LMX1B: variants seen among roughly 807,000 people sequenced by gnomAD.
LMX1B encodes the protein LIM homeobox transcription factor 1 beta, also known as LIM homeobox transcription factor 1-beta.
A neutral mutation model predicts 51.4 loss-of-function variants in LMX1B; 12 were observed. That is an observed-to-expected ratio of 0.23 (90% CI 0.15 to 0.38). The LOEUF (loss-of-function observed/expected upper bound fraction) is 0.38. LMX1B is among the 10% of genes least tolerant of loss of function. The pLI is 1.00. For missense variants in LMX1B, 445 were observed against 571.1 expected (o/e 0.78, Z 2.25); for synonymous variants, 237 against 235.4 (o/e 1.01, Z -0.06).
intron 2 of LMX1B, among the ~76,000 whole-genome samples, chr9:126,637,730 G>A (rs1835737769): frequency 1.3e-5 from 2 of 152,104 alleles, no homozygotes; most frequent in African/African-American, 2.4e-5. Context: ...GCCAGCCCAG[G>A]TTTCGGCGGG....
chr9:126,628,425 A>G (rs1295614813), intron 2 of LMX1B, among the ~76,000 whole-genome samples: 2 of 152,192 alleles, frequency 1.3e-5, no homozygotes, highest in Non-Finnish European at 2.9e-5. Context: ...AGAGTTTGAT[A>G]TTGTTATGAT....
intron 2 of LMX1B, among the ~76,000 whole-genome samples, chr9:126,657,291 C>A (rs1250051591): frequency 6.6e-6 from 1 of 152,200 alleles, no homozygotes. Flanking sequence ...GACATTTAAA[C>A]ACATAAATAT....
In LMX1B at chr9:126,670,629, G is replaced by T. The variant is rs976279691; in HGVS notation, c.327-20207G>T. On this transcript the variant is annotated intron_variant, in intron 2 of 7. Coordinates refer to ENST00000373474, the MANE Select transcript of LMX1B (RefSeq NM_001174147.2). ...TTGACAGGCATGTGTGAGTGGACAC[G>T]GGTGAGGGCCTAGACTGTTGGCACA... 4.6e-5 allele frequency among the ~76,000 whole-genome samples: 7 copies of T among 152,118 alleles called. No homozygotes were observed. In the East Asian group the frequency reaches 1.4e-3, roughly 29 times the overall value.
At chr9:126,679,420 GGGT>G (rs1167823704) in intron 2 of LMX1B, among the ~76,000 whole-genome samples, 4 of 151,876 alleles carry the variant, frequency 2.6e-5, no homozygotes, top group East Asian at 3.9e-4. Flanking sequence ...GGTAATATAT[GGGT>G]GGTGGATGGA....
Position 126,693,323 on chromosome 9 carries a change from G to A in LMX1B, c.741G>A (p.Lys247=), listed in dbSNP as rs1389167625. The A allele has an allele frequency of 1.3e-6, 2 of 1,592,320 alleles. No homozygotes were observed. The highest frequency in any genetic ancestry group is 1.1e-5 in the South Asian group (1 of 88,478). Residue 247 remains lysine, a splice_region_variant and synonymous_variant, in exon 4 of 8, where the codon AAG becomes AAA. Coordinates refer to ENST00000373474, the MANE Select transcript of LMX1B (RefSeq NM_001174147.2). ...SFEVSSKPCR[K]VRETLAAETG... is the part of the protein sequence containing the mutation. Reference sequence around the variant, plus strand: ...AGGTCTCGTCGAAGCCTTGCCGAAAGGTGAGGGGCGGCCGGGGGGCGGGGC... The same window carrying A: ...AGGTCTCGTCGAAGCCTTGCCGAAAAGTGAGGGGCGGCCGGGGGGCGGGGC...
rs565504031 is a variant in LMX1B at position 126,658,397 on chromosome 9, G to A, written c.327-32439G>A. Among the ~76,000 whole-genome samples, 179 of 119,268 alleles carry A rather than the reference G, an allele frequency of 1.5e-3. No individual in the cohort carries two copies. Among genetic ancestry groups the A allele is most frequent in the African/African-American group, 5.7e-3 (172 of 30,002 alleles). 78.2% of individuals were successfully genotyped at this position (119,268 alleles called of 152,430 possible). ...GGCCCTCCCCCTGGCTGCCGGGCCCGGGCACCCCTGCTGCTGACCCCCTGC... is the reference window on the plus strand; with the variant it reads ...GGCCCTCCCCCTGGCTGCCGGGCCCAGGCACCCCTGCTGCTGACCCCCTGC... On this transcript the variant is annotated intron_variant, in intron 2 of 7. Coordinates refer to ENST00000373474, the MANE Select transcript of LMX1B (RefSeq NM_001174147.2). The surrounding 1 kb of genome is among the most constrained non-coding windows in gnomAD (Gnocchi z 4.0).
chr9:126,679,239 A>G (rs955002163), intron 2 of LMX1B, among the ~76,000 whole-genome samples: 2 of 152,214 alleles, frequency 1.3e-5, no homozygotes, highest in African/African-American at 4.8e-5. Flanking sequence ...GAGTCACTAC[A>G]TGGCGTTTGG....
chr9:126,696,532 C>T lies in LMX1B; in HGVS notation c.*81C>T. On this transcript the variant is annotated 3_prime_UTR_variant, in exon 8 of 8. Transcript: ENST00000373474. ...CTGCGGCCAGCCTGGCCACCCCCGC[C>T]CTGCTCTCCGCACAGACTACAGACA... 2.6e-6 allele frequency: 4 copies of T among 1,524,894 alleles called. No homozygotes were observed. The highest frequency in any genetic ancestry group is 1.7e-5 in the Admixed American group (1 of 59,668). 94.5% of individuals were successfully genotyped at this position (1,524,894 alleles called of 1,614,324 possible). A position where few individuals can be genotyped will look rare whatever the true frequency, so the allele number is the denominator to read the frequency against.
intron 2 of LMX1B, among the ~76,000 whole-genome samples, chr9:126,667,714 GA>G (rs1448993673): frequency 2.0e-5 from 3 of 152,174 alleles, no homozygotes; most frequent in African/African-American, 7.2e-5. Context: ...GGAGAACTAG[GA>G]ACCCACAGGT....
intron 2 of LMX1B, among the ~76,000 whole-genome samples, chr9:126,635,657 A>C (rs1835701797): frequency 1.3e-5 from 2 of 152,114 alleles, no homozygotes; most frequent in Admixed American, 6.5e-5. Flanking sequence ...GCAAACGGGG[A>C]AATGATAGCT....
At chr9:126,646,693 T>C (rs755245842) in intron 2 of LMX1B, among the ~76,000 whole-genome samples, 1 of 152,226 alleles carries the variant, frequency 6.6e-6, no homozygotes, top group Non-Finnish European at 1.5e-5. Context: ...TGCCAGAGAC[T>C]GTGTTCCCAG....
intron 2 of LMX1B, among the ~76,000 whole-genome samples, chr9:126,687,681 G>A (rs553837600): frequency 6.6e-6 from 1 of 152,324 alleles, no homozygotes; most frequent in South Asian, 2.1e-4. Context: ...TGAGATGCAG[G>A]CAGTGTTGTC....
intron 2 of LMX1B, 57 bp from the exon 3 acceptor site, chr9:126,690,779 T>G (rs1588305298): frequency 2.1e-6 from 3 of 1,454,700 alleles, no homozygotes; most frequent in Non-Finnish European, 2.8e-6. Context: ...TCGGCAGGAG[T>G]GGCCTCTGGG....
At chr9:126,624,537 C>T (rs1835482155) in intron 2 of LMX1B, among the ~76,000 whole-genome samples, 1 of 152,200 alleles carries the variant, frequency 6.6e-6, no homozygotes, top group Admixed American at 6.5e-5. Context: ...GTGCGAAGTC[C>T]CTCAGCTCCT....
Position 126,671,806 on chromosome 9 carries a change from G to A in LMX1B, c.327-19030G>A, listed in dbSNP as rs1039666273. 3.3e-5 allele frequency among the ~76,000 whole-genome samples: 5 copies of A among 152,190 alleles called. No homozygotes were observed. In the East Asian group the frequency reaches 9.7e-4, roughly 30 times the overall value. On this transcript the variant is annotated intron_variant, in intron 2 of 7. Transcript: ENST00000373474. This position sits in a 1 kb window ranked among gnomAD's most constrained non-coding sequence, Gnocchi z 4.4. ...CCAGCTCCCTCCAGGCCAGGGCAGC[G>A]GCCCCCCACAGCCCAGGCCCCCAGC...
chr9:126,622,366 G>C (rs1331488106), intron 2 of LMX1B, among the ~76,000 whole-genome samples: 1 of 152,226 alleles, frequency 6.6e-6, no homozygotes, highest in Non-Finnish European at 1.5e-5. Flanking sequence ...GAGGTGGCTA[G>C]CTGGGGAAGG....
At chr9:126,674,390 G>C (rs918240473) in intron 2 of LMX1B, among the ~76,000 whole-genome samples, 8 of 119,378 alleles carry the variant, frequency 6.7e-5, no homozygotes, top group African/African-American at 2.6e-4. Context: ...GGAGGAGGCT[G>C]GGGGGGCATT....
In LMX1B at chr9:126,639,701, G is replaced by T. The variant is rs1295991859; in HGVS notation, c.326+24132G>T. ...TGCAAGCTGTTAGTGACTGGGGAGG[G>T]GGGCAGAGGAGGGCTCAGGATGGGA... is the stretch of plus-strand genomic sequence containing the variant. On this transcript the variant is annotated intron_variant, in intron 2 of 7. Transcript: ENST00000373474. Among the ~76,000 whole-genome samples the T allele has an allele frequency of 2.6e-5, 4 of 152,310 alleles. No homozygotes were observed. The East Asian group carries it at 7.7e-4, about 29-fold the overall frequency.
intron 2 of LMX1B, among the ~76,000 whole-genome samples, chr9:126,666,260 C>T (rs1464609556): frequency 6.6e-6 from 1 of 152,226 alleles, no homozygotes; most frequent in Non-Finnish European, 1.5e-5. Flanking sequence ...CCCATCGAAT[C>T]CAGCCTGGAA....
Sources: gnomAD v4.1 joint callset for allele counts (sites outside exome capture counted in the v4.1 genomes callset) on GRCh38, gnomAD v4.1.1 for gene constraint, Gnocchi (gnomAD v3.1) non-coding constraint, MANE v1.5 for transcripts, NCBI Gene and HGNC (gene_info 2026-07-23, HGNC 2026-07-21) for gene names.